The following NSD1 variants were observed in gnomAD, a reference collection of about 807,000 sequenced individuals.
NSD1 encodes nuclear receptor binding SET domain protein 1, also known as histone-lysine N-methyltransferase, H3 lysine-36 specific.
A neutral mutation model predicts 242.7 loss-of-function variants in NSD1; 26 were observed. The observed-to-expected ratio is 0.11, with a 90% confidence interval of 0.08 to 0.15. NSD1 has a LOEUF of 0.15. Ranked by LOEUF, NSD1 falls within the 10% of genes least tolerant of loss-of-function variation. The pLI, the probability that NSD1 is intolerant of heterozygous loss-of-function variation, is 1.00. For missense variants in NSD1, 2,495 were observed against 3,272.8 expected (o/e 0.76, Z 5.80); for synonymous variants, 1,106 against 1,178.1 (o/e 0.94, Z 1.25).
intron 2 of NSD1, among the ~76,000 whole-genome samples, chr5:177,164,050 AT>A (rs1256888954): frequency 7.9e-5 from 12 of 151,540 alleles, no homozygotes; most frequent in African/African-American, 2.4e-4. Context: ...GATTACTTGT[AT>A]TTCTGGTCTG....
intron 5 of NSD1, among the ~76,000 whole-genome samples, chr5:177,221,561 G>A (rs1053904445): frequency 5.5e-5 from 8 of 145,756 alleles, no homozygotes; most frequent in Non-Finnish European, 4.5e-5. Flanking sequence ...AAACTCCCGG[G>A]TTCAAGCAAT....
chr5:177,170,008 C>CG (rs1562148150), intron 2 of NSD1, among the ~76,000 whole-genome samples: 1 of 152,104 alleles, frequency 6.6e-6, no homozygotes, highest in East Asian at 1.9e-4. Context: ...CTTGCTCTGT[C>CG]GCCCAGGCTG....
chr5:177,157,938 TCATTC>T (rs1758272974), intron 2 of NSD1, among the ~76,000 whole-genome samples: 2 of 152,262 alleles, frequency 1.3e-5, no homozygotes, highest in South Asian at 4.1e-4. Context: ...TATGCATACT[TCATTC>T]CATTTTACTG....
At chr5:177,157,452 C>CT (rs1273311370) in intron 2 of NSD1, among the ~76,000 whole-genome samples, 1 of 151,910 alleles carries the variant, frequency 6.6e-6, no homozygotes, top group Admixed American at 6.6e-5. Flanking sequence ...AATCCCAGCA[C>CT]TTTGGGAGGT....
chr5:177,221,386 G>A (rs1184238505), intron 5 of NSD1, among the ~76,000 whole-genome samples: 1 of 151,078 alleles, frequency 6.6e-6, no homozygotes, highest in Admixed American at 6.6e-5. Context: ...TTGTTACCAT[G>A]GGGCTTAAAT....
intron 2 of NSD1, among the ~76,000 whole-genome samples, chr5:177,173,466 CT>C (rs768982432): frequency 0.038 from 2,391 of 62,212 alleles, 5 homozygotes; most frequent in Non-Finnish European, 0.047. Flanking sequence ...TACTATCTGG[CT>C]TTTTTTTTTT....
chr5:177,146,705 T>C (rs1429176393), intron 2 of NSD1, among the ~76,000 whole-genome samples: 9 of 152,020 alleles, frequency 5.9e-5, no homozygotes, highest in Admixed American at 5.9e-4. Context: ...ATGACTCCCG[T>C]CAACTTTCTA....
chr5:177,213,269 T>C (rs1763502224), intron 5 of NSD1, among the ~76,000 whole-genome samples: 1 of 152,234 alleles, frequency 6.6e-6, no homozygotes, highest in East Asian at 1.9e-4. Flanking sequence ...CTCAAAACTG[T>C]GTATCATAGT....
rs1443629833 is a variant in NSD1 at position 177,280,598 on chromosome 5, A to T, written c.5656A>T (p.Thr1886Ser). The change falls in exon 18 of 23, where the codon ACT (threonine) becomes TCT (serine). Residue 1886 changes from threonine (T) to serine (S), a missense_variant. This residue lies in a region of NSD1 where 114 missense variants were observed against 247.4 expected (regional missense o/e 0.46). Transcript: ENST00000439151. The part of the protein sequence containing the change: ...NRPIGRVQIF[T>S]ADLSEIPRCN... Reference sequence around the variant, plus strand: ...TCCTATTGGCAGGGTACAGATCTTCACTGCAGACTTATCTGAAATACCCCG... The same window carrying T: ...TCCTATTGGCAGGGTACAGATCTTCTCTGCAGACTTATCTGAAATACCCCG... The T allele has an allele frequency of 1.2e-6, 2 of 1,614,200 alleles. No individual in the cohort carries two copies. Among genetic ancestry groups the T allele is most frequent in the Non-Finnish European group, 1.7e-6 (2 of 1,180,024 alleles).
chr5:177,207,945 G>A (rs913662688), intron 4 of NSD1, among the ~76,000 whole-genome samples: 1 of 151,214 alleles, frequency 6.6e-6, no homozygotes, highest in African/African-American at 2.4e-5. Context: ...TGTGTTTTTA[G>A]TAGAGACAGG....
chr5:177,147,875 C>T (rs944303523), intron 2 of NSD1, among the ~76,000 whole-genome samples: 1 of 152,120 alleles, frequency 6.6e-6, no homozygotes, highest in Non-Finnish European at 1.5e-5. Flanking sequence ...CAGGTGTGAG[C>T]CACTGCGCAC....
At chr5:177,202,232 T>G (rs1339471910) in intron 3 of NSD1, among the ~76,000 whole-genome samples, 1 of 152,092 alleles carries the variant, frequency 6.6e-6, no homozygotes, top group East Asian at 1.9e-4. Context: ...ATTGAGTGGT[T>G]TTTTTTAAGA....
intron 18 of NSD1, among the ~76,000 whole-genome samples, chr5:177,281,403 G>T (rs1042950652): frequency 6.6e-6 from 1 of 151,008 alleles, no homozygotes; most frequent in African/African-American, 2.4e-5. Flanking sequence ...TGGTTTCCAG[G>T]AAATGTAGTG....
chr5:177,290,303 G>A (rs1759715581), intron 21 of NSD1, among the ~76,000 whole-genome samples: 2 of 151,462 alleles, frequency 1.3e-5, no homozygotes, highest in African/African-American at 4.9e-5. Flanking sequence ...ACTATATAGT[G>A]ACTTCAATTG....
intron 2 of NSD1, among the ~76,000 whole-genome samples, chr5:177,158,998 T>TATATATATATATATATATGAATGA (rs1758458189): frequency 7.3e-5 from 9 of 122,594 alleles, no homozygotes; most frequent in African/African-American, 3.4e-4. Context: ...ATGAATGATT[T>TATATATATATATATATATGAATGA]TATATATATA....
Position 177,135,901 on chromosome 5 carries a change from A to T in NSD1, c.798A>T (p.Thr266=). 3.1e-6 allele frequency: 5 copies of T among 1,612,102 alleles called. No homozygotes were observed. Among genetic ancestry groups the T allele is most frequent in the Non-Finnish European group, 4.2e-6 (5 of 1,178,290 alleles). ...TTTCACTAGGAGACACAAACATTAC[A>T]ATAGAAGAGCAATTAAACTCAATAA... is the stretch of plus-strand genomic sequence containing the variant. ...APFSLGDTNI[T]IEEQLNSINL... The change falls in exon 2 of 23, where the codon ACA becomes ACT. Residue 266 remains threonine (T), a synonymous_variant. Transcript: ENST00000439151.
intron 2 of NSD1, among the ~76,000 whole-genome samples, chr5:177,143,194 T>G (rs542267103): frequency 1.3e-5 from 2 of 152,296 alleles, no homozygotes; most frequent in East Asian, 3.9e-4. Context: ...CTTTACAGGT[T>G]GGTTGGTTTT....
At chr5:177,132,891 G>T (rs1755972766), upstream of NSD1, 1 of 152,448 alleles carries the variant, frequency 6.6e-6, no homozygotes, top group South Asian at 2.1e-4. This position sits in a 1 kb window ranked among gnomAD's most constrained non-coding sequence, Gnocchi z 7.5. Context: ...GCTGCTGTAG[G>T]GCGGCTGCCC....
chr5:177,263,680 C>T (rs1280394024), intron 14 of NSD1, among the ~76,000 whole-genome samples: 4 of 152,206 alleles, frequency 2.6e-5, no homozygotes, highest in Non-Finnish European at 2.9e-5. Context: ...AGCACTCATG[C>T]AACTGAGTTT....
Sources: gnomAD v4.1 joint callset for allele counts (sites outside exome capture counted in the v4.1 genomes callset) on GRCh38, gnomAD v4.1.1 for gene constraint, gnomAD v4.1.1 regional missense constraint, Gnocchi (gnomAD v3.1) non-coding constraint, MANE v1.5 for transcripts, NCBI Gene and HGNC (gene_info 2026-07-23, HGNC 2026-07-21) for gene names.